IGFBP7: variants seen among roughly 807,000 people sequenced by gnomAD.
IGFBP7 encodes insulin-like growth factor-binding protein 7.
In IGFBP7, 31 loss-of-function variants were observed where a neutral mutation model predicts 29.4. That is an observed-to-expected ratio of 1.05 (90% confidence interval 0.79 to 1.42). IGFBP7 has a LOEUF of 1.42. Ranked by LOEUF, IGFBP7 falls within the 40% of genes most tolerant of loss-of-function variation. IGFBP7 has a pLI of 0.00. For synonymous variants in IGFBP7, 172 were observed against 174.9 expected, an observed-to-expected ratio of 0.98 and a Z score of 0.13; for missense variants, 393 against 395.5, an observed-to-expected ratio of 0.99 and a Z score of 0.05.
rs1056617485 is a variant in IGFBP7 at position 57,031,725 on chromosome 4, CTG to C, written c.830-391_830-390del. Among the ~76,000 whole-genome samples, 17 of 152,214 alleles carry C rather than the reference CTG, an allele frequency of 1.1e-4. 1 individual carries two copies. Among genetic ancestry groups the C allele is most frequent in the Admixed American group, 9.8e-4 (15 of 15,284 alleles). The stretch of plus-strand genomic sequence containing the variant: ...CATGGCTTGACTCTTAGCTACTGTT[CTG>C]TTTCATTGCCTGACATTACACATTA... On this transcript the variant is annotated intron_variant, in intron 4 of 4. Coordinates refer to ENST00000295666, the MANE Select transcript of IGFBP7 (RefSeq NM_001553.3).
At chr4:57,066,569 G>GTT (rs1036075999) in intron 1 of IGFBP7, among the ~76,000 whole-genome samples, 6 of 147,724 alleles carry the variant, frequency 4.1e-5, no homozygotes, top group Admixed American at 2.7e-4. Context: ...TTAGTTTTAA[G>GTT]TTTTTTTTTT....
chr4:57,069,556 C>G (rs1020069282), intron 1 of IGFBP7, among the ~76,000 whole-genome samples: 1 of 151,996 alleles, frequency 6.6e-6, no homozygotes, highest in African/African-American at 2.4e-5. Flanking sequence ...CACAGCTACT[C>G]GGGAGGTGGA....
chr4:57,052,068 T>C (rs918825819), intron 1 of IGFBP7, among the ~76,000 whole-genome samples: 2 of 151,772 alleles, frequency 1.3e-5, no homozygotes, highest in Non-Finnish European at 2.9e-5. Flanking sequence ...AAAGTGGGAG[T>C]GTCATGATTC....
chr4:57,108,059 T>C lies in IGFBP7; in HGVS notation c.475+1818A>G, dbSNP rs1032629239. Among the ~76,000 whole-genome samples the C allele has an allele frequency of 2.0e-5, 3 of 152,248 alleles. No homozygotes were observed. In the East Asian group the frequency reaches 5.8e-4, roughly 29 times the overall value. On this transcript the variant is annotated intron_variant, in intron 1 of 4. Transcript: ENST00000295666. Reference sequence around the variant, plus strand: ...AGAAAATCTCAATATTTGGAATAAATTCTTAAATAACGCACATTTATCTTT... The same window carrying C: ...AGAAAATCTCAATATTTGGAATAAACTCTTAAATAACGCACATTTATCTTT...
At chr4:57,103,020 C>T (rs1285300601) in intron 1 of IGFBP7, among the ~76,000 whole-genome samples, 4 of 152,116 alleles carry the variant, frequency 2.6e-5, no homozygotes, top group Non-Finnish European at 5.9e-5. Flanking sequence ...GAGGTGAAGG[C>T]ACTTTATGAG....
chr4:57,078,380 T>C (rs1440449900), intron 1 of IGFBP7, among the ~76,000 whole-genome samples: 2 of 152,142 alleles, frequency 1.3e-5, no homozygotes, highest in Middle Eastern at 3.4e-3. Context: ...TATTACCTCA[T>C]AGGTAACCTA....
chr4:57,058,898 A>G (rs959252449), intron 1 of IGFBP7, among the ~76,000 whole-genome samples: 2 of 152,246 alleles, frequency 1.3e-5, no homozygotes, highest in African/African-American at 4.8e-5. Flanking sequence ...AAACAAATTT[A>G]CAAGAAAAAA....
At position 57,033,236 on chromosome 4, in the gene IGFBP7, G is replaced by C. The variant is rs765429078; in HGVS notation, c.661C>G (p.Arg221Gly). 1 of 1,614,020 alleles carries C rather than the reference G, an allele frequency of 6.2e-7. No homozygotes were observed. The highest frequency in any genetic ancestry group is 8.5e-7 in the Non-Finnish European group (1 of 1,179,912). The change falls in exon 3 of 5, where the codon CGG becomes GGG. Residue 221 changes from arginine to glycine, a missense_variant. Physicochemically the swap from Arg to Gly is moderately radical, Grantham distance 125. Coordinates refer to ENST00000295666, the MANE Select transcript of IGFBP7 (RefSeq NM_001553.3). ...ACTTCATGCTTTTCTGGGCCACCCC[G>C]GGTCTGAATGGCCAGGTTGTCCCGG... ...GDRDNLAIQT[R>G]GGPEKHEVTG...
At chr4:57,088,775 T>A (rs1725561144) in intron 1 of IGFBP7, among the ~76,000 whole-genome samples, 1 of 151,998 alleles carries the variant, frequency 6.6e-6, no homozygotes, top group Admixed American at 6.6e-5. Context: ...ACGTCTGTAA[T>A]CCCAGCATTT....
At chr4:57,057,490 A>G (rs1264316104) in intron 1 of IGFBP7, among the ~76,000 whole-genome samples, 1 of 152,208 alleles carries the variant, frequency 6.6e-6, no homozygotes, top group Non-Finnish European at 1.5e-5. Flanking sequence ...ATGTAAATGA[A>G]AATAATTTCC....
At chr4:57,078,589 G>A (rs147489264) in intron 1 of IGFBP7, among the ~76,000 whole-genome samples, 452 of 151,996 alleles carry the variant, frequency 3.0e-3, no homozygotes, top group African/African-American at 0.01. Context: ...CTTCGCTCCT[G>A]CTTAATGATT....
intron 1 of IGFBP7, among the ~76,000 whole-genome samples, chr4:57,048,148 C>A (rs1232561209): frequency 1.3e-5 from 2 of 151,368 alleles, no homozygotes; most frequent in African/African-American, 4.9e-5. Flanking sequence ...ACATCCTGGG[C>A]TCACGCCATT....
chr4:57,073,058 T>C (rs1560501402), intron 1 of IGFBP7: 2 of 1,441,734 alleles, frequency 1.4e-6, no homozygotes, highest in Non-Finnish European at 1.9e-6. Context: ...TGCCAAGCTC[T>C]GGAAACCCCC....
At chr4:57,102,011 T>G (rs907568990) in intron 1 of IGFBP7, among the ~76,000 whole-genome samples, 3 of 152,194 alleles carry the variant, frequency 2.0e-5, no homozygotes, top group South Asian at 2.1e-4. Context: ...TAAAAATTTT[T>G]TTGACGATAA....
intron 1 of IGFBP7, among the ~76,000 whole-genome samples, chr4:57,074,060 TCTCTCTC>T (rs1318851421): frequency 1.3e-3 from 16 of 11,866 alleles, no homozygotes; most frequent in South Asian, 5.7e-3. Context: ...TCTCTCTCTC[TCTCTCTC>T]TTTTTTCTTT....
At chr4:57,108,812 G>A (rs1441159191) in intron 1 of IGFBP7, among the ~76,000 whole-genome samples, 3 of 152,080 alleles carry the variant, frequency 2.0e-5, no homozygotes, top group Admixed American at 6.5e-5. Context: ...CTCCCAAAGT[G>A]CTGGGATTAC....
chr4:57,082,653 T>C (rs947647447), intron 1 of IGFBP7, among the ~76,000 whole-genome samples: 5 of 152,214 alleles, frequency 3.3e-5, no homozygotes, highest in African/African-American at 1.2e-4. Context: ...ACTGTAACAA[T>C]TCAAATATAC....
intron 1 of IGFBP7, chr4:57,109,619 T>G (rs930903009): frequency 3.7e-6 from 2 of 540,790 alleles, no homozygotes; most frequent in Admixed American, 3.6e-5. Flanking sequence ...CTTTTCTACA[T>G]ATACACCCGG....
chr4:57,036,266 A>G (rs1724083412), intron 2 of IGFBP7, among the ~76,000 whole-genome samples: 1 of 152,126 alleles, frequency 6.6e-6, no homozygotes, highest in Admixed American at 6.5e-5. Flanking sequence ...GAAAGATACA[A>G]ACCAGGGCAG....
Sources: gnomAD v4.1 joint callset for allele counts (sites outside exome capture counted in the v4.1 genomes callset) on GRCh38, gnomAD v4.1.1 for gene constraint, MANE v1.5 for transcripts, NCBI Gene and HGNC (gene_info 2026-07-23, HGNC 2026-07-21) for gene names.